The following PIK3CD variants were observed in gnomAD, a reference collection of about 807,000 sequenced individuals.
PIK3CD encodes phosphatidylinositol-4,5-bisphosphate 3-kinase catalytic subunit delta, also known as phosphatidylinositol 4,5-bisphosphate 3-kinase catalytic subunit delta isoform.
A neutral mutation model predicts 122.9 loss-of-function variants in PIK3CD; 20 were observed. The observed-to-expected ratio is 0.16, with a 90% CI of 0.11 to 0.24. The LOEUF is 0.24. Among genes scored for constraint, PIK3CD ranks in the 10% least tolerant of loss-of-function variants. PIK3CD has a pLI of 1.00. For missense variants in PIK3CD, 787 were observed against 1,406.3 expected (o/e 0.56, Z 7.04); for synonymous variants, 596 against 593.4 (o/e 1.00, Z -0.06).
chr1:9,727,337 C>A lies in PIK3CD; in HGVS notation c.*291C>A. 1 of 496,732 alleles carries A rather than the reference C, an allele frequency of 2.0e-6. No homozygotes were observed. Among genetic ancestry groups the A allele is most frequent in the Non-Finnish European group, 3.7e-6 (1 of 271,312 alleles). 30.8% of individuals were successfully genotyped at this position (496,732 alleles called of 1,614,324 possible). On this transcript the variant is annotated 3_prime_UTR_variant, in exon 24 of 24. Coordinates refer to ENST00000377346, the MANE Select transcript of PIK3CD (RefSeq NM_005026.5). Reference sequence around the variant, plus strand: ...AAGTCTTCCAGCTGGTGGATCTGGGCCCAGCAAAGACTGTTCTCCTCCCGA... The same window carrying A: ...AAGTCTTCCAGCTGGTGGATCTGGGACCAGCAAAGACTGTTCTCCTCCCGA...
intron 1 of PIK3CD, among the ~76,000 whole-genome samples, chr1:9,691,252 G>A (rs1326285414): frequency 6.6e-6 from 1 of 152,192 alleles, no homozygotes; most frequent in African/African-American, 2.4e-5. Flanking sequence ...ATGCTCCTGT[G>A]GTTGGTTTCA....
chr1:9,628,752 C>A, the PIK3CD span, among the ~76,000 whole-genome samples: 1 of 151,998 alleles, frequency 6.6e-6, no homozygotes, highest in Non-Finnish European at 1.5e-5. Flanking sequence ...TTTCCAGAGG[C>A]AGCTGGAGGG....
At chr1:9,655,775 G>A (rs2100748552) in intron 1 of PIK3CD, among the ~76,000 whole-genome samples, 1 of 140,860 alleles carries the variant, frequency 7.1e-6, no homozygotes, top group East Asian at 2.1e-4. Context: ...TCGGCCCACT[G>A]CAACCTCTGC....
At chr1:9,654,442 C>G (rs1274455631) in intron 1 of PIK3CD, 2 of 1,364,098 alleles carry the variant, frequency 1.5e-6, no homozygotes, top group South Asian at 1.1e-5. Context: ...GGCATCAGCC[C>G]CTGGGGGGCT....
rs1646991573 is a variant in PIK3CD at position 9,710,165 on chromosome 1, G to A, written c.-32-259G>A. ...TTCCTGAGGAAAGATGATTTGCTGT[G>A]CGTGCTCCTGTGGGGAGGACATGCA... On this transcript the variant is annotated intron_variant, in intron 2 of 23. Transcript: ENST00000377346. This position sits in a 1 kb window ranked among gnomAD's most constrained non-coding sequence, Gnocchi z 4.7. 2 of 462,128 alleles carry A rather than the reference G, an allele frequency of 4.3e-6. No homozygotes were observed. Among genetic ancestry groups the A allele is most frequent in the East Asian group, 8.6e-5 (2 of 23,186 alleles). 28.6% of individuals were successfully genotyped at this position (462,128 alleles called of 1,614,324 possible). A position where few individuals can be genotyped will look rare whatever the true frequency, so the allele number is the denominator to read the frequency against.
chr1:9,710,104 G>C lies in PIK3CD; in HGVS notation c.-32-320G>C. The C allele has an allele frequency of 5.5e-6, 2 of 365,868 alleles. No individual in the cohort carries two copies. The highest frequency in any genetic ancestry group is 4.5e-5 in the South Asian group (2 of 44,496). 22.7% of individuals were successfully genotyped at this position (365,868 alleles called of 1,614,324 possible). ...GTCCTGCCATCTCCCTTCTGTGCCA[G>C]CTGGTGGCCATGACTGGCTTTCGTG... is the stretch of plus-strand genomic sequence containing the variant. On this transcript the variant is annotated intron_variant, in intron 2 of 23. Coordinates refer to ENST00000377346, the MANE Select transcript of PIK3CD (RefSeq NM_005026.5). The surrounding 1 kb of genome is among the most constrained non-coding windows in gnomAD (Gnocchi z 4.7).
the PIK3CD span, among the ~76,000 whole-genome samples, chr1:9,632,287 C>G: frequency 6.6e-6 from 1 of 152,180 alleles, no homozygotes; most frequent in African/African-American, 2.4e-5. Context: ...GCTGGGATTG[C>G]AGGCGTGAGC....
At chr1:9,683,880 A>C (rs943595384) in intron 1 of PIK3CD, among the ~76,000 whole-genome samples, 1 of 151,926 alleles carries the variant, frequency 6.6e-6, no homozygotes, top group African/African-American at 2.4e-5. Context: ...AAGTTTCATC[A>C]CTCATGTCTG....
chr1:9,640,208 C>A, the PIK3CD span, among the ~76,000 whole-genome samples: 1 of 151,980 alleles, frequency 6.6e-6, no homozygotes, highest in South Asian at 2.1e-4. Flanking sequence ...TTCATCTGTC[C>A]GTTTCTTGCC....
At chr1:9,703,708 A>G (rs942701869) in intron 2 of PIK3CD, among the ~76,000 whole-genome samples, 2 of 152,198 alleles carry the variant, frequency 1.3e-5, no homozygotes, top group South Asian at 2.1e-4. Context: ...TCATTGCTAT[A>G]TAACATTCTG....
rs964319099 is a variant in PIK3CD, at chr1:9,689,101, C to G, written c.-137-2366C>G. On this transcript the variant is annotated intron_variant, in intron 1 of 23. Transcript: ENST00000377346. The surrounding 1 kb of genome is among the most constrained non-coding windows in gnomAD (Gnocchi z 6.1). ...CTGGCTCCGGCTCTGTGACCTGGGT[C>G]CAGTACCCCGCCCTTTCTGCGGATG... Among the ~76,000 whole-genome samples, 2 of 152,218 alleles carry G rather than the reference C, an allele frequency of 1.3e-5. No homozygotes were observed. The highest frequency in any genetic ancestry group is 2.4e-5 in the African/African-American group (1 of 41,460).
chr1:9,660,191 C>T (rs1291153221), intron 1 of PIK3CD, among the ~76,000 whole-genome samples: 1 of 152,224 alleles, frequency 6.6e-6, no homozygotes, highest in East Asian at 1.9e-4. Flanking sequence ...GGATTATAGG[C>T]GTGAGCCACC....
At chr1:9,679,972 C>G (rs1645688026) in intron 1 of PIK3CD, among the ~76,000 whole-genome samples, 1 of 151,836 alleles carries the variant, frequency 6.6e-6, no homozygotes, top group Non-Finnish European at 1.5e-5. Context: ...TTACAGGCGC[C>G]CACCACCACA....
intron 1 of PIK3CD, among the ~76,000 whole-genome samples, chr1:9,664,730 TC>T (rs1645108844): frequency 6.6e-6 from 1 of 152,164 alleles, no homozygotes; most frequent in Non-Finnish European, 1.5e-5. Flanking sequence ...CCAGAGTCAG[TC>T]CTAGGGGAAA....
the PIK3CD span, among the ~76,000 whole-genome samples, chr1:9,634,071 A>G: frequency 6.6e-6 from 1 of 151,280 alleles, no homozygotes; most frequent in East Asian, 1.9e-4. Flanking sequence ...TCCAGGGCTC[A>G]GGTAATCCTC....
chr1:9,635,238 G>C, the PIK3CD span, among the ~76,000 whole-genome samples: 1 of 145,822 alleles, frequency 6.9e-6, no homozygotes, highest in Non-Finnish European at 1.5e-5. Flanking sequence ...TCTCACCACT[G>C]TACTCCAGCC....
chr1:9,701,249 C>T (rs116990921), intron 2 of PIK3CD, among the ~76,000 whole-genome samples: 3 of 152,218 alleles, frequency 2.0e-5, no homozygotes, highest in East Asian at 3.9e-4. Flanking sequence ...TGTAGTGGCC[C>T]GTTCTAGAAG....
At chr1:9,655,318 C>T (rs959384805) in intron 1 of PIK3CD, among the ~76,000 whole-genome samples, 5 of 152,034 alleles carry the variant, frequency 3.3e-5, no homozygotes, top group Non-Finnish European at 7.4e-5. Context: ...GGCAAAACGC[C>T]ACCTCTCTCC....
At chr1:9,628,547 G>A in the PIK3CD span, among the ~76,000 whole-genome samples, 2 of 152,232 alleles carry the variant, frequency 1.3e-5, no homozygotes, top group African/African-American at 2.4e-5. Context: ...TGGGAAAGGC[G>A]CCCCTGCCGT....
Sources: allele counts gnomAD v4.1 joint callset (sites outside exome capture counted in the v4.1 genomes callset), GRCh38; gene constraint gnomAD v4.1.1; non-coding constraint Gnocchi (gnomAD v3.1); transcripts MANE v1.5; gene names NCBI Gene and HGNC (gene_info 2026-07-23, HGNC 2026-07-21).